The following GFRA4 variants were observed in gnomAD, a reference collection of about 807,000 sequenced individuals.
GFRA4 encodes GDNF family receptor alpha 4, also known as GDNF family receptor alpha-4.
Under a neutral mutation model 28.5 loss-of-function variants are expected in GFRA4, and 31 were observed. The observed-to-expected ratio is 1.09, with a 90% CI of 0.82 to 1.47. The LOEUF is 1.47. Ranked by LOEUF, GFRA4 falls within the 40% of genes most tolerant of loss-of-function variation. The probability of loss-of-function intolerance (pLI) is 0.00; values close to 1 mark genes in which losing one functional copy is unlikely to be tolerated. For synonymous variants in GFRA4, 188 were observed against 188.0 expected, an observed-to-expected ratio of 1.00 and a Z score of 0.00; for missense variants, 389 against 413.2, an observed-to-expected ratio of 0.94 and a Z score of 0.51.
At position 3,660,732 on chromosome 20, in the gene GFRA4, G is replaced by T. The variant is rs376880016; in HGVS notation, c.502+23C>A. 107 of 1,444,548 alleles carry T rather than the reference G, an allele frequency of 7.4e-5. No individual in the cohort carries two copies. The East Asian group carries it at 1.2e-3, about 16-fold the overall frequency. The allele number at this position is 1,444,548 out of a possible 1,614,324, so 89.5% of individuals were successfully genotyped here. A position where few individuals can be genotyped will look rare whatever the true frequency, so the allele number is the denominator to read the frequency against. On this transcript the variant is annotated intron_variant, in intron 3 of 5. Coordinates refer to ENST00000290417, the MANE Select transcript of GFRA4 (RefSeq NM_022139.4). ...TATCCCCTGGAGAACCCCCGCCCTC[G>T]CCCGGATCCCGGCCGCGCGTACCCA...
In GFRA4 at chr20:3,659,623, C is replaced by A. The variant is rs1323887304; in HGVS notation, c.*286G>T. The A allele has an allele frequency of 4.0e-6, 2 of 497,696 alleles. No homozygotes were observed. Among genetic ancestry groups the A allele is most frequent in the Non-Finnish European group, 7.2e-6 (2 of 277,542 alleles). 30.8% of individuals were successfully genotyped at this position (497,696 alleles called of 1,614,324 possible). On this transcript the variant is annotated 3_prime_UTR_variant, in exon 6 of 6. Transcript: ENST00000290417. ...AAAAGTGACCCTCTCCTGACCCCAC[C>A]TTGTGGGAGACCCCAGTGGTCTCAA...
chr20:3,660,083 G>A lies in GFRA4; in HGVS notation c.729+75C>T, dbSNP rs2087200419. On this transcript the variant is annotated intron_variant, in intron 5 of 5. Coordinates refer to ENST00000290417, the MANE Select transcript of GFRA4 (RefSeq NM_022139.4). ...CCCAGGCCCTTCATGCCTCCACCCA[G>A]GCCCACCAGGGACGGAAGGGTGTGA... The A allele has an allele frequency of 4.6e-6, 7 of 1,516,630 alleles. No individual in the cohort carries two copies. In the South Asian group the frequency reaches 4.8e-5, roughly 10 times the overall value. 93.9% of individuals were successfully genotyped at this position (1,516,630 alleles called of 1,614,324 possible).
At position 3,660,542 on chromosome 20, in the gene GFRA4, G is replaced by A; in HGVS notation, c.621C>T (p.Thr207=). The A allele has an allele frequency of 1.3e-6, 2 of 1,549,454 alleles. No individual in the cohort carries two copies. The highest frequency in any genetic ancestry group is 1.7e-6 in the Non-Finnish European group (2 of 1,146,916). ...GCCCCTCACCCAAGCAGCGGTTCCT[G>A]GTAAAGAGCCCCCGGAAGGCTTCGC... The part of the protein sequence containing the change: ...EDCEAFRGLF[T]RNRCLDGAIQ... Residue 207 remains threonine (T), a synonymous_variant, in exon 4 of 6, where the codon ACC becomes ACT. Transcript: ENST00000290417.
chr20:3,663,374 A>G lies in GFRA4; in HGVS notation c.26T>C (p.Leu9Pro). 6.2e-7 allele frequency: 1 copy of G among 1,611,218 alleles called. No homozygotes were observed. The highest frequency in any genetic ancestry group is 8.5e-7 in the Non-Finnish European group (1 of 1,179,286). Residue 9 changes from leucine to proline, a missense_variant, in exon 1 of 6, where the codon CTG becomes CCG. By Grantham distance (98) the Leu-to-Pro change is moderately conservative. Coordinates refer to ENST00000290417, the MANE Select transcript of GFRA4 (RefSeq NM_022139.4). ...CTCACCCAGTAACAGCAGCAGCAGCAGCGCAGGCCCCAGGCAGCGGACCAT... is the reference window on the plus strand; with the variant it reads ...CTCACCCAGTAACAGCAGCAGCAGCGGCGCAGGCCCCAGGCAGCGGACCAT... MVRCLGPA[L>P]LLLLLLGSAS...
rs1245682950 is a variant in GFRA4 at position 3,659,848 on chromosome 20, G to C, written c.*61C>G. 1.6e-5 allele frequency: 23 copies of C among 1,482,464 alleles called. No individual in the cohort carries two copies. Among genetic ancestry groups the C allele is most frequent in the Non-Finnish European group, 1.9e-5 (21 of 1,084,162 alleles). 91.8% of individuals were successfully genotyped at this position (1,482,464 alleles called of 1,614,324 possible). ...CTTCTCAAGGGGCCAGTAGGCCACA[G>C]AGGCGGCCCAGGCAGGCAGGGTGGA... is the stretch of plus-strand genomic sequence containing the variant. On this transcript the variant is annotated 3_prime_UTR_variant, in exon 6 of 6. Transcript: ENST00000290417.
chr20:3,660,759 G>A lies in GFRA4; in HGVS notation c.498C>T (p.Leu166=). The A allele has an allele frequency of 2.1e-6, 3 of 1,423,888 alleles. No homozygotes were observed. The highest frequency in any genetic ancestry group is 1.8e-6 in the Non-Finnish European group (2 of 1,097,354). The allele number at this position is 1,423,888 out of a possible 1,614,324, so 88.2% of individuals were successfully genotyped here. The change falls in exon 3 of 6, where the codon CTC becomes CTT. Residue 166 remains leucine, a synonymous_variant. Transcript: ENST00000290417. ...CCGGATCCCGGCCGCGCGTACCCAC[G>A]AGGCCCGCGTAGGCGCGCAGGCAGC... ...GARCLRAYAG[L]VGTAVTPNYV...
chr20:3,663,213 AGCCGTGCGCACAG>A (rs1250404790), intron 1 of GFRA4, 128 bp downstream of exon 1: 4 of 992,152 alleles, frequency 4.0e-6, no homozygotes, highest in Non-Finnish European at 4.5e-6. Flanking sequence ...GGGGTCCCCA[AGCCGTGCGCACAG>A]GCCTCTCACT....
At chr20:3,660,402 G>A (rs1487955112) in intron 4 of GFRA4, 124 bp downstream of exon 4, 1 of 1,115,236 alleles carries the variant, frequency 9.0e-7, no homozygotes, top group Non-Finnish European at 1.3e-6. Context: ...GCACAGCTGT[G>A]ACAGAGTGAC....
In GFRA4 at chr20:3,660,304, C is replaced by A. The variant is rs2087203670; in HGVS notation, c.638-55G>T. The A allele has an allele frequency of 7.0e-6, 10 of 1,425,400 alleles. No individual in the cohort carries two copies. The South Asian group carries it at 1.3e-4, about 18-fold the overall frequency. 88.3% of individuals were successfully genotyped at this position (1,425,400 alleles called of 1,614,324 possible). A position where few individuals can be genotyped will look rare whatever the true frequency, so the allele number is the denominator to read the frequency against. On this transcript the variant is annotated intron_variant, in intron 4 of 5. Coordinates refer to ENST00000290417, the MANE Select transcript of GFRA4 (RefSeq NM_022139.4). ...AGCTGGGAAACCCTAGCACAGGGCTCAGCACAGGGGACAAAGTGAGAGACC... is the reference window on the plus strand; with the variant it reads ...AGCTGGGAAACCCTAGCACAGGGCTAAGCACAGGGGACAAAGTGAGAGACC...
chr20:3,663,290 G>A, intron 1 of GFRA4, 64 bp downstream of exon 1: 1 of 1,557,442 alleles, frequency 6.4e-7, no homozygotes, highest in South Asian at 1.2e-5. Flanking sequence ...CTCCCACCTT[G>A]TCACTGAGGA....
chr20:3,662,490 C>G (rs1568787692), intron 1 of GFRA4, among the ~76,000 whole-genome samples: 1 of 152,316 alleles, frequency 6.6e-6, no homozygotes, highest in African/African-American at 2.4e-5. Context: ...TATCCCCCCC[C>G]CAGGGCTGGG....
Position 3,661,162 on chromosome 20 carries a change from G to A in GFRA4, c.174C>T (p.Gly58=). 7.3e-7 allele frequency: 1 copy of A among 1,375,274 alleles called. No homozygotes were observed. 85.2% of individuals were successfully genotyped at this position (1,375,274 alleles called of 1,614,324 possible). A position where few individuals can be genotyped will look rare whatever the true frequency, so the allele number is the denominator to read the frequency against. ...AQCLGRAAQG[G]CPRARCRRAL... is the part of the protein sequence containing the mutation. ...CCCGGCGGCAGCGGGCGCGGGGACA[G>A]CCCCCCTGCGCAGCCCGGCCCAGGC... The change falls in exon 2 of 6, where the codon GGC becomes GGT. Residue 58 remains glycine (G), a synonymous_variant. Transcript: ENST00000290417.
In GFRA4 at chr20:3,660,785, G is replaced by GGGCGCCCTGGTCCAGCAGGCAGCC. The variant is rs772374675; in HGVS notation, c.448_471dup (p.Gly150_Ala157dup). On this transcript the variant is annotated inframe_insertion, in exon 3 of 6. Coordinates refer to ENST00000290417, the MANE Select transcript of GFRA4 (RefSeq NM_022139.4). The stretch of plus-strand genomic sequence containing the variant: ...AGGCCCGCGTAGGCGCGCAGGCAGC[G>GGGCGCCCTGGTCCAGCAGGCAGCC]GGCGCCCTGGTCCAGCAGGCAGCCG... The GGGCGCCCTGGTCCAGCAGGCAGCC allele has an allele frequency of 9.9e-6, 14 of 1,416,104 alleles. No homozygotes were observed. Among genetic ancestry groups the GGGCGCCCTGGTCCAGCAGGCAGCC allele is most frequent in the African/African-American group, 3.0e-5 (2 of 66,208 alleles). 87.7% of individuals were successfully genotyped at this position (1,416,104 alleles called of 1,614,324 possible).
chr20:3,663,303 A>G, intron 1 of GFRA4, 51 bp downstream of exon 1: 1 of 1,584,362 alleles, frequency 6.3e-7, no homozygotes, highest in Non-Finnish European at 8.6e-7. Flanking sequence ...ACTGAGGAGC[A>G]GGGACAGAGA....
chr20:3,661,094 T>C lies in GFRA4; in HGVS notation c.242A>G (p.His81Arg). 1 of 1,337,902 alleles carries C rather than the reference T, an allele frequency of 7.5e-7. No individual in the cohort carries two copies. The highest frequency in any genetic ancestry group is 9.5e-7 in the Non-Finnish European group (1 of 1,052,868). The allele number at this position is 1,337,902 out of a possible 1,614,324, so 82.9% of individuals were successfully genotyped here. A position where few individuals can be genotyped will look rare whatever the true frequency, so the allele number is the denominator to read the frequency against. The change falls in exon 2 of 6, where the codon CAC (histidine) becomes CGC (arginine). Residue 81 changes from histidine to arginine, a missense_variant. Physicochemically the swap from His to Arg is conservative, Grantham distance 29. Transcript: ENST00000290417. The part of the protein sequence containing the change: ...FFARGPPALT[H>R]ALLFCPCAGP... Reference sequence around the variant, plus strand: ...CGCGCACGGGCAGAAGAGCAGTGCGTGGGTGAGCGCGGGCGGCCCGCGGGC... The same window carrying C: ...CGCGCACGGGCAGAAGAGCAGTGCGCGGGTGAGCGCGGGCGGCCCGCGGGC...
intron 1 of GFRA4, 100 bp downstream of exon 1, chr20:3,663,254 T>C (rs1389257164): frequency 2.1e-6 from 3 of 1,429,030 alleles, no homozygotes; most frequent in Non-Finnish European, 2.9e-6. Context: ...CTTCCTGTGG[T>C]TCAGCTTTTC....
At chr20:3,661,999 C>T (rs616749) in intron 1 of GFRA4, among the ~76,000 whole-genome samples, 14,322 of 152,202 alleles carry the variant, frequency 0.094, 707 homozygotes, top group South Asian at 0.11. Context: ...AGAGCGGATT[C>T]ATGCAAGAGC....
rs775578279 is a variant in GFRA4 at position 3,660,513 on chromosome 20, C to A, written c.637+13G>T. 2.5e-5 allele frequency: 38 copies of A among 1,547,166 alleles called. No homozygotes were observed. In the African/African-American group the frequency reaches 3.0e-4, roughly 12 times the overall value. The stretch of plus-strand genomic sequence containing the variant: ...GCCCCCACTCCCCCTCCACTCCCCC[C>A]CGGGCCCCTCACCCAAGCAGCGGTT... On this transcript the variant is annotated intron_variant, in intron 4 of 5. Coordinates refer to ENST00000290417, the MANE Select transcript of GFRA4 (RefSeq NM_022139.4).
chr20:3,660,840 G>A lies in GFRA4; in HGVS notation c.417C>T (p.Val139=), dbSNP rs2087212419. The A allele has an allele frequency of 1.4e-6, 2 of 1,428,018 alleles. No individual in the cohort carries two copies. 88.5% of individuals were successfully genotyped at this position (1,428,018 alleles called of 1,614,324 possible). A position where few individuals can be genotyped will look rare whatever the true frequency, so the allele number is the denominator to read the frequency against. ...GGGCGCTGGGCGCTGGGGTGCACGA[G>A]ACCTGAAAGGCCAGGAGGCGAGGCC... ...VCRPRLLAFQ[V]SCTPAPSAPD... Residue 139 remains valine, a synonymous_variant, in exon 3 of 6, where the codon GTC becomes GTT. Transcript: ENST00000290417.
Sources: gnomAD v4.1 joint callset for allele counts (sites outside exome capture counted in the v4.1 genomes callset) on GRCh38, gnomAD v4.1.1 for gene constraint, MANE v1.5 for transcripts, NCBI Gene and HGNC (gene_info 2026-07-23, HGNC 2026-07-21) for gene names.